Variants in DYSF observed in about 807,000 individuals in gnomAD.
The protein encoded by DYSF is dysferlin, also known as dystrophy-associated fer-1-like 1.
A neutral mutation model predicts 274.9 loss-of-function variants in DYSF; 212 were observed. The ratio of observed to expected loss-of-function variants is 0.77; its 90% CI spans 0.69 to 0.86. The LOEUF is 0.86. Among genes scored for constraint, DYSF ranks in the 40% least tolerant of loss-of-function variants. The pLI is 0.00. For missense variants in DYSF, 2,666 were observed against 2,783.2 expected, an observed-to-expected ratio of 0.96 and a Z score of 0.95; for synonymous variants, 1,091 against 1,078.7, an observed-to-expected ratio of 1.01 and a Z score of -0.22.
intron 1 of DYSF, among the ~76,000 whole-genome samples, chr2:71,477,250 GC>G (rs2082465894): frequency 6.6e-6 from 1 of 152,140 alleles, no homozygotes; most frequent in African/African-American, 2.4e-5. Context: ...GGGAGAGGGT[GC>G]AACATCGCAT....
intron 16 of DYSF, among the ~76,000 whole-genome samples, chr2:71,537,340 G>C (rs990845513): frequency 9.6e-5 from 14 of 145,588 alleles, no homozygotes; most frequent in African/African-American, 3.6e-4. Flanking sequence ...CTGCCTCCCA[G>C]GTTCAAGCGA....
At chr2:71,571,510 CCA>C (rs1212208775) in intron 29 of DYSF, among the ~76,000 whole-genome samples, 2 of 114,374 alleles carry the variant, frequency 1.7e-5, no homozygotes, top group Admixed American at 9.1e-5. Context: ...ATCACACCCA[CCA>C]CACACAGCTC....
At chr2:71,497,070 C>A (rs985208082) in intron 3 of DYSF, among the ~76,000 whole-genome samples, 1 of 152,190 alleles carries the variant, frequency 6.6e-6, no homozygotes, top group African/African-American at 2.4e-5. Flanking sequence ...ATAACAGTAC[C>A]TACCCCACAG....
chr2:71,467,514 G>A (rs1162057528), intron 1 of DYSF, among the ~76,000 whole-genome samples: 1 of 152,184 alleles, frequency 6.6e-6, no homozygotes, highest in Non-Finnish European at 1.5e-5. Flanking sequence ...GTCCCTACAT[G>A]TAGTGCTTAG....
chr2:71,513,892 C>G lies in DYSF; in HGVS notation c.730C>G (p.Leu244Val). The G allele has an allele frequency of 6.2e-7, 1 of 1,614,234 alleles. No homozygotes were observed. The highest frequency in any genetic ancestry group is 1.6e-4 in the Middle Eastern group (1 of 6,062). The change falls in exon 7 of 56, where the codon CTG becomes GTG. Residue 244 changes from leucine (L) to valine (V), a missense_variant. Physicochemically the swap from Leu to Val is conservative, Grantham distance 32. Coordinates refer to ENST00000410020, the MANE Select transcript of DYSF (RefSeq NM_001130987.2). ...GCGAAGTGCGCCTACATCTAGAAAG[C>G]TGCTGTCAGACAAACCGCAGGATTT... is the stretch of plus-strand genomic sequence containing the variant. ...RKRSAPTSRKLLSDKPQDFQI... is the reference protein window; with the variant it reads ...RKRSAPTSRKVLSDKPQDFQI...
upstream of DYSF, among the ~76,000 whole-genome samples, chr2:71,463,644 T>A (rs2081378702): frequency 6.6e-6 from 1 of 152,264 alleles, no homozygotes; most frequent in South Asian, 2.1e-4. Context: ...TTCTCTCTGA[T>A]CTGCTGTCCA....
chr2:71,622,573 T>C (rs1315105004), intron 41 of DYSF, among the ~76,000 whole-genome samples: 1 of 152,182 alleles, frequency 6.6e-6, no homozygotes, highest in African/African-American at 2.4e-5. Context: ...TTCAGACAGA[T>C]ATTTGATTTT....
intron 3 of DYSF, among the ~76,000 whole-genome samples, chr2:71,501,039 C>T (rs948137439): frequency 1.2e-4 from 18 of 152,138 alleles, no homozygotes; most frequent in Non-Finnish European, 2.4e-4. Context: ...AACATACTGA[C>T]GGGTGCCTTC....
intron 1 of DYSF, among the ~76,000 whole-genome samples, chr2:71,454,571 G>C (rs999051135): frequency 6.6e-6 from 1 of 152,180 alleles, no homozygotes; most frequent in Non-Finnish European, 1.5e-5. Context: ...GCAGCCACTG[G>C]AGGCGAAGGC....
intron 10 of DYSF, 137 bp from the exon 11 acceptor site, chr2:71,520,041 A>G (rs753711073): frequency 2.5e-5 from 23 of 910,260 alleles, no homozygotes; most frequent in Non-Finnish European, 4.2e-5. Flanking sequence ...CTTTTCATGT[A>G]GTATCAAATG....
chr2:71,625,065 T>C (rs1301676596), intron 41 of DYSF, among the ~76,000 whole-genome samples: 1 of 152,190 alleles, frequency 6.6e-6, no homozygotes, highest in Non-Finnish European at 1.5e-5. Context: ...TATCGTTTCA[T>C]CTATTTTATA....
At chr2:71,662,475 CGTGT>C (rs374450494) in intron 45 of DYSF, among the ~76,000 whole-genome samples, 21 of 148,228 alleles carry the variant, frequency 1.4e-4, no homozygotes, top group African/African-American at 3.0e-4. Flanking sequence ...TATGTGCGTG[CGTGT>C]GTATGTATTT....
intron 4 of DYSF, among the ~76,000 whole-genome samples, chr2:71,511,137 G>A (rs1030663137): frequency 5.9e-5 from 9 of 152,200 alleles, no homozygotes; most frequent in African/African-American, 1.9e-4. Context: ...TGGGGTGGGC[G>A]CATGGGCAAC....
intron 1 of DYSF, among the ~76,000 whole-genome samples, chr2:71,478,633 T>G (rs965601867): frequency 6.6e-6 from 1 of 152,200 alleles, no homozygotes; most frequent in African/African-American, 2.4e-5. Context: ...TCATGATTTT[T>G]TCCATGATCA....
chr2:71,489,148 C>T (rs1276418669), intron 3 of DYSF, among the ~76,000 whole-genome samples: 2 of 152,178 alleles, frequency 1.3e-5, no homozygotes, highest in Admixed American at 6.5e-5. Context: ...GGACCTGCCA[C>T]AACGGGGGTC....
intron 16 of DYSF, 97 bp downstream of exon 16, chr2:71,535,408 G>A (rs2089228616): frequency 7.7e-7 from 1 of 1,298,724 alleles, no homozygotes; most frequent in Non-Finnish European, 1.1e-6. Context: ...GTAAGAGTGT[G>A]AGGGAGAAGT....
Position 71,630,392 on chromosome 2 carries a change from A to G in DYSF, c.4527+9783A>G, listed in dbSNP as rs568111179. On this transcript the variant is annotated intron_variant, in intron 41 of 55. Coordinates refer to ENST00000410020, the MANE Select transcript of DYSF (RefSeq NM_001130987.2). ...GAGGGCCAGAGCTGCTGCGCCTACC[A>G]ATGAACTCCTATGTAGGAATTTCTT... Among the ~76,000 whole-genome samples the G allele has an allele frequency of 2.0e-5, 3 of 152,330 alleles. No individual in the cohort carries two copies. The East Asian group carries it at 5.8e-4, about 29-fold the overall frequency.
At chr2:71,549,314 C>T in intron 17 of DYSF, 1 of 1,607,452 alleles carries the variant, frequency 6.2e-7, no homozygotes, top group Non-Finnish European at 8.5e-7. Flanking sequence ...CCAGCCATGC[C>T]CACCCTAACC....
intron 33 of DYSF, among the ~76,000 whole-genome samples, chr2:71,600,222 A>G (rs1371156590): frequency 6.6e-6 from 1 of 152,350 alleles, no homozygotes; most frequent in East Asian, 1.9e-4. Flanking sequence ...TGATGAAAAC[A>G]TCATTTTGTC....
Sources: gnomAD v4.1 joint callset for allele counts (sites outside exome capture counted in the v4.1 genomes callset) on GRCh38, gnomAD v4.1.1 for gene constraint, MANE v1.5 for transcripts, NCBI Gene and HGNC (gene_info 2026-07-23, HGNC 2026-07-21) for gene names.